Variants in ANKRD55 observed in about 807,000 individuals in gnomAD.
The protein encoded by ANKRD55 is ankyrin repeat domain-containing protein 55.
In ANKRD55, 41 loss-of-function variants were observed where a neutral mutation model predicts 60.6. The ratio of observed to expected loss-of-function variants is 0.68; its 90% CI spans 0.53 to 0.88. ANKRD55 has a LOEUF of 0.88. Among genes scored for constraint, ANKRD55 ranks in the 40% least tolerant of loss-of-function variants. ANKRD55 has a pLI of 0.00. For missense variants in ANKRD55, 732 were observed against 767.6 expected (o/e 0.95, Z 0.55); for synonymous variants, 264 against 290.3 (o/e 0.91, Z 0.92).
chr5:56,119,948 T>C (rs1756989566), intron 8 of ANKRD55, among the ~76,000 whole-genome samples: 1 of 151,882 alleles, frequency 6.6e-6, no homozygotes, highest in African/African-American at 2.4e-5. Context: ...ACAAAACCTG[T>C]GTGTGTGTCT....
chr5:56,157,055 A>C (rs1310564742), intron 6 of ANKRD55: 1 of 152,922 alleles, frequency 6.5e-6, no homozygotes, highest in African/African-American at 2.4e-5. Context: ...AGAAGTAAAC[A>C]TAAGAGACTC....
chr5:56,166,158 T>TTTCTTTCTTTCTTCTTTCTTTCC (rs1554040812), intron 5 of ANKRD55, among the ~76,000 whole-genome samples: 3 of 72,434 alleles, frequency 4.1e-5, no homozygotes, highest in African/African-American at 1.9e-4. Context: ...TTCTTTCTTC[T>TTTCTTTCTTTCTTCTTTCTTTCC]TTCCTTCCTT....
At chr5:56,225,476 C>T (rs1361971979) in intron 2 of ANKRD55, among the ~76,000 whole-genome samples, 1 of 152,142 alleles carries the variant, frequency 6.6e-6, no homozygotes, top group African/African-American at 2.4e-5. Flanking sequence ...GTTGGAAGTT[C>T]CGGCCAAGGC....
At chr5:56,224,703 A>T (rs1320429144) in intron 2 of ANKRD55, among the ~76,000 whole-genome samples, 1 of 152,156 alleles carries the variant, frequency 6.6e-6, no homozygotes, top group African/African-American at 2.4e-5. Context: ...TACAATAAAC[A>T]CCTCTACGCA....
intron 8 of ANKRD55, among the ~76,000 whole-genome samples, chr5:56,120,209 G>A (rs992656509): frequency 6.6e-6 from 1 of 151,972 alleles, no homozygotes; most frequent in Admixed American, 6.6e-5. Flanking sequence ...GCTAATTTTT[G>A]TATTTTTAGT....
intron 7 of ANKRD55, among the ~76,000 whole-genome samples, chr5:56,133,447 A>AAC (rs1757480871): frequency 8.8e-6 from 1 of 113,464 alleles, no homozygotes; most frequent in African/African-American, 2.9e-5. Flanking sequence ...TCAAAAAAAA[A>AAC]AAAAAACAAT....
intron 2 of ANKRD55, among the ~76,000 whole-genome samples, chr5:56,225,572 T>C (rs534971673): frequency 6.6e-6 from 1 of 152,342 alleles, no homozygotes; most frequent in African/African-American, 2.4e-5. Flanking sequence ...CATGATTGTA[T>C]ATTTAGAAAA....
rs114272376 is a variant in ANKRD55 at position 56,113,265 on chromosome 5, C to T, written c.966-1483G>A. Among the ~76,000 whole-genome samples, 1,432 of 152,244 alleles carry T rather than the reference C, an allele frequency of 9.4e-3. 27 individuals carry two copies. The highest frequency in any genetic ancestry group is 0.032 in the African/African-American group (1,334 of 41,532). On this transcript the variant is annotated intron_variant, in intron 9 of 11. Coordinates refer to ENST00000341048, the MANE Select transcript of ANKRD55 (RefSeq NM_024669.3). ...GTTATTTGTCTTTTTCACTGTGCTGCCTTGCATCGATGGTGCAATAGAGGT... is the reference window on the plus strand; with the variant it reads ...GTTATTTGTCTTTTTCACTGTGCTGTCTTGCATCGATGGTGCAATAGAGGT...
chr5:56,112,504 C>CAAAAAAAAAAAAAAAACA (rs1561252078), intron 9 of ANKRD55, among the ~76,000 whole-genome samples: 3 of 25,698 alleles, frequency 1.2e-4, no homozygotes, highest in Admixed American at 4.6e-4. Context: ...TCATCTCTAG[C>CAAAAAAAAAAAAAAAACA]AAAAAAAAAA....
intron 2 of ANKRD55, among the ~76,000 whole-genome samples, chr5:56,225,381 T>C (rs1213057396): frequency 6.6e-6 from 1 of 152,230 alleles, no homozygotes; most frequent in African/African-American, 2.4e-5. Context: ...AATATCATAC[T>C]GAATGGACAA....
chr5:56,226,121 T>C (rs146225670), intron 2 of ANKRD55, among the ~76,000 whole-genome samples: 3,673 of 152,268 alleles, frequency 0.024, 150 homozygotes, highest in African/African-American at 0.082. Flanking sequence ...ATGGTACTGG[T>C]ACCAAAACAG....
chr5:56,135,290 G>GCCTGCTTTCTTTCTTT (rs1554038504), intron 7 of ANKRD55, among the ~76,000 whole-genome samples: 8 of 69,298 alleles, frequency 1.2e-4, no homozygotes, highest in Non-Finnish European at 1.5e-4. Flanking sequence ...CTGCCTGCCT[G>GCCTGCTTTCTTTCTTT]CTTGCTTTCT....
chr5:56,180,629 G>A (rs955685397), intron 3 of ANKRD55, among the ~76,000 whole-genome samples: 1 of 152,116 alleles, frequency 6.6e-6, no homozygotes, highest in Non-Finnish European at 1.5e-5. Context: ...TATTTAATTA[G>A]CACTTTATAG....
At chr5:56,126,185 G>A (rs981147190) in intron 8 of ANKRD55, among the ~76,000 whole-genome samples, 7 of 151,934 alleles carry the variant, frequency 4.6e-5, no homozygotes, top group African/African-American at 1.7e-4. Flanking sequence ...ACAAGTAAGG[G>A]GCTAATTTTG....
chr5:56,136,074 A>C (rs1757591329), intron 7 of ANKRD55, among the ~76,000 whole-genome samples: 1 of 152,132 alleles, frequency 6.6e-6, no homozygotes, highest in Non-Finnish European at 1.5e-5. Flanking sequence ...ATAAATGGAG[A>C]TCTTCATATG....
chr5:56,181,683 C>T (rs1343678775), intron 3 of ANKRD55, among the ~76,000 whole-genome samples: 2 of 152,014 alleles, frequency 1.3e-5, no homozygotes. Context: ...CTCCGCCTCC[C>T]GGTTCAAGCA....
rs186151 is a variant in ANKRD55, at chr5:56,177,699, C to T, written c.182-1417G>A. ...CTGAGGCAGGAGAATTGCTTGAACCCGGGAGGTGGAGGTTGCAGTGAGCCG... is the reference window on the plus strand; with the variant it reads ...CTGAGGCAGGAGAATTGCTTGAACCTGGGAGGTGGAGGTTGCAGTGAGCCG... On this transcript the variant is annotated intron_variant, in intron 3 of 11. Coordinates refer to ENST00000341048, the MANE Select transcript of ANKRD55 (RefSeq NM_024669.3). Among the ~76,000 whole-genome samples the T allele has an allele frequency of 6.6e-3, 1,005 of 152,030 alleles. 15 individuals are homozygous for T. The highest frequency in any genetic ancestry group is 0.023 in the African/African-American group (938 of 41,490).
At chr5:56,193,300 T>C (rs1561287499) in intron 2 of ANKRD55, 3 of 1,067,824 alleles carry the variant, frequency 2.8e-6, no homozygotes, top group Non-Finnish European at 4.1e-6. Context: ...AAATTATAAA[T>C]GTAGAAGCAG....
intron 6 of ANKRD55, among the ~76,000 whole-genome samples, chr5:56,152,578 T>G (rs945492863): frequency 6.6e-6 from 1 of 152,164 alleles, no homozygotes; most frequent in Admixed American, 6.5e-5. Context: ...TAGTTTCCAT[T>G]TAACTCCCGG....
Sources: gnomAD v4.1 joint callset for allele counts (sites outside exome capture counted in the v4.1 genomes callset) on GRCh38, gnomAD v4.1.1 for gene constraint, MANE v1.5 for transcripts, NCBI Gene and HGNC (gene_info 2026-07-23, HGNC 2026-07-21) for gene names.